Variants in CLVS1 observed in about 807,000 individuals in gnomAD.
CLVS1 encodes clavesin-1.
In CLVS1, 10 loss-of-function variants were observed where a neutral mutation model predicts 33.1. The observed-to-expected ratio is 0.30, with a 90% CI of 0.19 to 0.51. CLVS1 has a LOEUF of 0.51. Ranked by LOEUF, CLVS1 falls within the 20% of genes least tolerant of loss-of-function variation. The pLI is 0.97. For synonymous variants in CLVS1, 163 were observed against 166.1 expected (o/e 0.98, Z 0.14); for missense variants, 343 against 433.4 (o/e 0.79, Z 1.85).
intron 2 of CLVS1, among the ~76,000 whole-genome samples, chr8:61,320,136 C>T (rs1811144119): frequency 6.6e-6 from 1 of 152,104 alleles, no homozygotes; most frequent in African/African-American, 2.4e-5. Context: ...CAGATATTAA[C>T]ATTCTGTCTC....
intron 2 of CLVS1, among the ~76,000 whole-genome samples, chr8:61,355,359 G>A (rs1167118908): frequency 2.0e-5 from 3 of 151,720 alleles, no homozygotes; most frequent in African/African-American, 7.3e-5. Context: ...AGAAACAAAC[G>A]AGAAAAACAG....
intron 5 of CLVS1, among the ~76,000 whole-genome samples, chr8:61,496,707 GCTT>G (rs964147802): frequency 6.6e-6 from 1 of 152,106 alleles, no homozygotes; most frequent in Non-Finnish European, 1.5e-5. Flanking sequence ...GTACTGATTT[GCTT>G]CTTGATTTCT....
In CLVS1 at chr8:61,074,550, A is replaced by G. The variant is rs537190476; in HGVS notation, c.-243+17320A>G. On this transcript the variant is annotated intron_variant, in intron 1 of 2. Transcript: ENST00000522621. ...ATAAAATCTCTCTTTTCATTAGACC[A>G]TGAGACCTGTGAGGCAGAAAGCTCA... Among the ~76,000 whole-genome samples the G allele has an allele frequency of 1.1e-4, 17 of 151,014 alleles. No homozygotes were observed. The South Asian group carries it at 2.9e-3, about 26-fold the overall frequency.
At chr8:61,416,364 G>T (rs1446674203) in intron 3 of CLVS1, among the ~76,000 whole-genome samples, 1 of 151,564 alleles carries the variant, frequency 6.6e-6, no homozygotes, top group African/African-American at 2.4e-5. Flanking sequence ...ATATTCCCAT[G>T]CCTAGAATAA....
intron 3 of CLVS1, among the ~76,000 whole-genome samples, chr8:61,418,689 C>T (rs1318078356): frequency 6.6e-6 from 1 of 152,086 alleles, no homozygotes; most frequent in South Asian, 2.1e-4. Context: ...CATGAAAGAG[C>T]TTGATAAATT....
the CLVS1 span, among the ~76,000 whole-genome samples, chr8:61,046,344 C>T: frequency 6.9e-6 from 1 of 144,650 alleles, no homozygotes; most frequent in Non-Finnish European, 1.5e-5. Flanking sequence ...TTCCATTGAT[C>T]TATATCTCTG....
chr8:61,257,617 T>C (rs1809113442), intron 2 of CLVS1, among the ~76,000 whole-genome samples: 1 of 152,188 alleles, frequency 6.6e-6, no homozygotes, highest in Admixed American at 6.5e-5. Context: ...GTGGGCTTAC[T>C]GAGTATTTTT....
intron 2 of CLVS1, among the ~76,000 whole-genome samples, chr8:61,177,498 A>C (rs1365345495): frequency 2.0e-5 from 3 of 152,142 alleles, no homozygotes; most frequent in Non-Finnish European, 4.4e-5. Context: ...GCTTTGTTAA[A>C]TGGGTCCTGC....
chr8:61,499,336 C>CAGTT lies in CLVS1; in HGVS notation c.978-117_978-114dup. ...GACTACTGGCATGTGCCACTGCACC[C>CAGTT]AGTTAATTTTTGAGTGTCTATTAAA... On this transcript the variant is annotated intron_variant, in intron 5 of 5. Coordinates refer to ENST00000325897, the MANE Select transcript of CLVS1 (RefSeq NM_173519.3). 3 of 656,192 alleles carry CAGTT rather than the reference C, an allele frequency of 4.6e-6. No homozygotes were observed. The South Asian group carries it at 5.0e-5, about 11-fold the overall frequency. 40.6% of individuals were successfully genotyped at this position (656,192 alleles called of 1,614,324 possible). A position where few individuals can be genotyped will look rare whatever the true frequency, so the allele number is the denominator to read the frequency against.
chr8:61,216,171 G>A (rs1808081525), intron 2 of CLVS1, among the ~76,000 whole-genome samples: 8 of 152,142 alleles, frequency 5.3e-5, no homozygotes, highest in Admixed American at 5.2e-4. Context: ...ATTGTACACT[G>A]GCTTCTCTCA....
intron 2 of CLVS1, among the ~76,000 whole-genome samples, chr8:61,246,177 T>C: frequency 1.9e-5 from 2 of 106,236 alleles, no homozygotes; most frequent in African/African-American, 8.0e-5. Flanking sequence ...CTTTTTTTTT[T>C]TTTTTTTTTT....
rs145858830 is a variant in CLVS1, at chr8:61,341,972, T to G, written c.456-34633T>G. On this transcript the variant is annotated intron_variant, in intron 2 of 5. Coordinates refer to ENST00000325897, the MANE Select transcript of CLVS1 (RefSeq NM_173519.3). ...TCAAAAAGTCATGAAAATGTGTTAC[T>G]TGGCTTTCCGATGGAAAGTAATAGA... is the stretch of plus-strand genomic sequence containing the variant. Among the ~76,000 whole-genome samples the G allele has an allele frequency of 5.0e-3, 764 of 152,284 alleles. 3 individuals carry two copies. Among genetic ancestry groups the G allele is most frequent in the Middle Eastern group, 0.01 (3 of 294 alleles).
intron 2 of CLVS1, among the ~76,000 whole-genome samples, chr8:61,145,389 T>A (rs1338737550): frequency 6.6e-6 from 1 of 152,210 alleles, no homozygotes; most frequent in Admixed American, 6.5e-5. Context: ...ATAAAAACGT[T>A]GGGGTTGGAG....
At chr8:61,297,909 A>G (rs527883950) in intron 1 of CLVS1, among the ~76,000 whole-genome samples, 6 of 152,330 alleles carry the variant, frequency 3.9e-5, no homozygotes, top group African/African-American at 1.4e-4. Flanking sequence ...CTCACAGCAC[A>G]GTAGATGCTA....
At chr8:61,243,496 T>C (rs544285074) in intron 2 of CLVS1, among the ~76,000 whole-genome samples, 11 of 152,330 alleles carry the variant, frequency 7.2e-5, no homozygotes, top group East Asian at 3.9e-4. Flanking sequence ...GGTTTTTCTA[T>C]TGGGGCTTTA....
chr8:61,319,783 T>C (rs542941535), intron 2 of CLVS1, among the ~76,000 whole-genome samples: 7 of 152,340 alleles, frequency 4.6e-5, no homozygotes, highest in Non-Finnish European at 8.8e-5. Flanking sequence ...AAGCAGGATT[T>C]CTAATATAGA....
At chr8:61,273,699 C>A (rs553000616) in intron 2 of CLVS1, among the ~76,000 whole-genome samples, 41 of 152,212 alleles carry the variant, frequency 2.7e-4, no homozygotes, top group Non-Finnish European at 4.1e-4. Context: ...CGTGGTGCGC[C>A]GTGTTTTAAG....
chr8:61,188,243 C>G (rs1004389248), intron 2 of CLVS1, among the ~76,000 whole-genome samples: 2 of 152,100 alleles, frequency 1.3e-5, no homozygotes. Flanking sequence ...AACTGCAAAT[C>G]TTGAATTTAA....
intron 3 of CLVS1, among the ~76,000 whole-genome samples, chr8:61,417,133 G>T (rs192809839): frequency 1.6e-4 from 25 of 152,272 alleles, no homozygotes; most frequent in Admixed American, 1.5e-3. Context: ...GTGTCAAGGG[G>T]AGACCATGGG....
Sources: allele counts gnomAD v4.1 joint callset (sites outside exome capture counted in the v4.1 genomes callset), GRCh38; gene constraint gnomAD v4.1.1; transcripts MANE v1.5; gene names NCBI Gene and HGNC (gene_info 2026-07-23, HGNC 2026-07-21).